Variants in RAD9A observed in about 807,000 individuals in gnomAD.
The protein encoded by RAD9A is cell cycle checkpoint control protein RAD9A.
RAD9A carries 25 observed loss-of-function variants against 41.2 expected under a neutral mutation model. The observed-to-expected ratio is 0.61, with a 90% CI of 0.44 to 0.85. RAD9A has a LOEUF of 0.85. RAD9A is among the 40% of genes least tolerant of loss of function. RAD9A has a pLI of 0.00. For synonymous variants in RAD9A, 252 were observed against 210.6 expected, an observed-to-expected ratio of 1.20 and a Z score of -1.70; for missense variants, 514 against 518.3, an observed-to-expected ratio of 0.99 and a Z score of 0.08.
chr11:67,396,913 C>T (rs1590932287), intron 9 of RAD9A, among the ~76,000 whole-genome samples: 2 of 152,164 alleles, frequency 1.3e-5, no homozygotes. Flanking sequence ...ACTTGCTGCT[C>T]CTCCCTCCTA....
chr11:67,392,601 G>T, intron 2 of RAD9A, 53 bp from the exon 3 acceptor site: 1 of 1,605,880 alleles, frequency 6.2e-7, no homozygotes. Context: ...CCAGAGGGCT[G>T]GGTCTGTGGC....
In RAD9A at chr11:67,396,263, G is replaced by A. The variant is rs200764158; in HGVS notation, c.735G>A (p.Arg245=). The A allele has an allele frequency of 1.9e-4, 300 of 1,614,080 alleles. No homozygotes were observed. The highest frequency in any genetic ancestry group is 3.3e-4 in the Middle Eastern group (2 of 6,062). The change falls in exon 9 of 11, where the codon AGG becomes AGA. Residue 245 remains arginine, a splice_region_variant and synonymous_variant. Transcript: ENST00000307980. ...AGCTTGGGCCCCCTCCCCTGCCCAG[G>A]CCCGCCATCTTCACCATCAAGGACT... ...NLSIHFDAPG[R]PAIFTIKDSL... is the part of the protein sequence containing the mutation.
chr11:67,397,313 G>A lies in RAD9A; in HGVS notation c.1007G>A (p.Ser336Asn), dbSNP rs1489051965. ...SLSPGPQPPK[S>N]PGPHSEEEDE... ...TCACCTGGCCCCCAGCCCCCCAAGA[G>A]CCCCGGTCCCCACTCCGAGGAGGAA... The change falls in exon 10 of 11, where the codon AGC (serine) becomes AAC (asparagine). Residue 336 changes from serine to asparagine, a missense_variant. Around this residue, in one of 3 missense-constraint regions of RAD9A, gnomAD observed 216 missense variants for 184.2 expected, o/e 1.17. Coordinates refer to ENST00000307980, the MANE Select transcript of RAD9A (RefSeq NM_004584.3). The A allele has an allele frequency of 1.0e-5, 16 of 1,584,760 alleles. No individual in the cohort carries two copies. The highest frequency in any genetic ancestry group is 1.4e-5 in the Non-Finnish European group (16 of 1,160,930).
Position 67,395,921 on chromosome 11 carries a change from C to T in RAD9A, c.569C>T (p.Ala190Val). The change falls in exon 7 of 11, where the codon GCC becomes GTC. Residue 190 changes from alanine to valine, a missense_variant. Ala to Val is a moderately conservative substitution (Grantham distance 64). Coordinates refer to ENST00000307980, the MANE Select transcript of RAD9A (RefSeq NM_004584.3). ...TGTTCTTCCCCAACAGACAGCACTG[C>T]CAAAGCCATGGTGACTGAGATGTGC... ...SYHEEEADST[A>V]KAMVTEMCLG... 1 of 1,614,184 alleles carries T rather than the reference C, an allele frequency of 6.2e-7. No individual in the cohort carries two copies.
In RAD9A at chr11:67,398,182, C is replaced by T. The variant is rs764997149; in HGVS notation, c.*623C>T. The T allele has an allele frequency of 2.9e-5, 9 of 305,294 alleles. No individual in the cohort carries two copies. Among genetic ancestry groups the T allele is most frequent in the East Asian group, 2.3e-4 (3 of 12,958 alleles). The allele number at this position is 305,294 out of a possible 1,614,324, so 18.9% of individuals were successfully genotyped here. The stretch of plus-strand genomic sequence containing the variant: ...CTTAGATGTGAGACGGAGGCCATGG[C>T]GAGAATCCAGCTTTGACCTTTATTC... On this transcript the variant is annotated 3_prime_UTR_variant, in exon 11 of 11. Coordinates refer to ENST00000307980, the MANE Select transcript of RAD9A (RefSeq NM_004584.3).
chr11:67,392,923 C>A, intron 3 of RAD9A, 141 bp downstream of exon 3: 1 of 1,206,672 alleles, frequency 8.3e-7, no homozygotes, highest in Non-Finnish European at 1.2e-6. Context: ...CAGGGAGGGC[C>A]ATGGTAAAAG....
At chr11:67,396,457 G>T in intron 9 of RAD9A, 57 bp downstream of exon 9, 1 of 1,583,390 alleles carries the variant, frequency 6.3e-7, no homozygotes. Flanking sequence ...TCCAGCCTGA[G>T]ACTGCAACTC....
Position 67,393,528 on chromosome 11 carries a change from G to A in RAD9A, c.267G>A (p.Met89Ile). ...SFLSVFRSLA[M>I]LEKTVEKCCI... ...TGTCTGTCTTCCGCTCACTGGCGAT[G>A]CTGGAGAAGACGGTGGAAAAATGCT... Residue 89 changes from methionine to isoleucine, a missense_variant, in exon 4 of 11, where the codon ATG (methionine) becomes ATA (isoleucine). By Grantham distance (10) the Met-to-Ile change is conservative (BLOSUM62 1). Around this residue, in one of 3 missense-constraint regions of RAD9A, gnomAD observed 268 missense variants for 279.3 expected, o/e 0.96. Coordinates refer to ENST00000307980, the MANE Select transcript of RAD9A (RefSeq NM_004584.3). 1 of 1,614,208 alleles carries A rather than the reference G, an allele frequency of 6.2e-7. No homozygotes were observed. Among genetic ancestry groups the A allele is most frequent in the Non-Finnish European group, 8.5e-7 (1 of 1,180,042 alleles).
intron 2 of RAD9A, 50 bp downstream of exon 2, chr11:67,392,281 T>A: frequency 6.9e-7 from 1 of 1,442,456 alleles, no homozygotes; most frequent in Admixed American, 2.0e-5. Context: ...CGGGAGCGGG[T>A]AACCCGGACT....
At position 67,396,417 on chromosome 11, in the gene RAD9A, C is replaced by G. The variant is rs369995198; in HGVS notation, c.872+17C>G. 1.3e-5 allele frequency: 21 copies of G among 1,612,594 alleles called. No homozygotes were observed. Among genetic ancestry groups the G allele is most frequent in the Middle Eastern group, 1.6e-4 (1 of 6,074 alleles). Reference sequence around the variant, plus strand: ...GGCTCACAGGTGAGGGCACCTCCCCCCAACTCCTCCTCTCTCCATGTCTGT... The same window carrying G: ...GGCTCACAGGTGAGGGCACCTCCCCGCAACTCCTCCTCTCTCCATGTCTGT... On this transcript the variant is annotated intron_variant, in intron 9 of 10. Coordinates refer to ENST00000307980, the MANE Select transcript of RAD9A (RefSeq NM_004584.3).
chr11:67,392,378 C>G (rs1215395050), intron 2 of RAD9A, 147 bp downstream of exon 2: 2 of 891,892 alleles, frequency 2.2e-6, no homozygotes, highest in African/African-American at 3.4e-5. Context: ...GTCATCTTCC[C>G]AGGCCGGTGT....
In RAD9A at chr11:67,395,816, G is replaced by A. The variant is rs754732107; in HGVS notation, c.550G>A (p.Glu184Lys). 12 of 1,613,342 alleles carry A rather than the reference G, an allele frequency of 7.4e-6. No homozygotes were observed. Among genetic ancestry groups the A allele is most frequent in the Middle Eastern group, 1.6e-4 (1 of 6,084 alleles). The part of the protein sequence containing the change: ...RRVILRSYHE[E>K]EADSTAKAMV... Reference sequence around the variant, plus strand: ...GGTCATCCTGCGCAGCTACCACGAGGAGGAGGCAGGTGAGGGGGCTGGACG... The same window carrying A: ...GGTCATCCTGCGCAGCTACCACGAGAAGGAGGCAGGTGAGGGGGCTGGACG... The change falls in exon 6 of 11, where the codon GAG (glutamate) becomes AAG (lysine). Residue 184 changes from glutamate (E) to lysine (K), a missense_variant. By Grantham distance (56) the Glu-to-Lys change is moderately conservative (BLOSUM62 1). Transcript: ENST00000307980.
intron 3 of RAD9A, 64 bp downstream of exon 3, chr11:67,392,846 G>C: frequency 6.3e-7 from 1 of 1,578,360 alleles, no homozygotes; most frequent in South Asian, 1.1e-5. Context: ...CTGTGCCTCT[G>C]CCCTGGGGTA....
chr11:67,393,572 G>A lies in RAD9A; in HGVS notation c.311G>A (p.Arg104Gln), dbSNP rs772979652. 1.8e-5 allele frequency: 29 copies of A among 1,614,076 alleles called. No individual in the cohort carries two copies. In the East Asian group the frequency reaches 3.8e-4, roughly 21 times the overall value. The change falls in exon 4 of 11, where the codon CGG (arginine) becomes CAG (glutamine). Residue 104 changes from arginine (R) to glutamine (Q), a missense_variant. Arg to Gln is a conservative substitution (Grantham distance 43, BLOSUM62 1). Coordinates refer to ENST00000307980, the MANE Select transcript of RAD9A (RefSeq NM_004584.3). The stretch of plus-strand genomic sequence containing the variant: ...AAATGCTGCATCTCCCTGAATGGCC[G>A]GAGCAGCCGCCTGGTGGTCCAGCTG... ...VEKCCISLNG[R>Q]SSRLVVQLHC...
Position 67,393,526 on chromosome 11 carries a change from A to T in RAD9A, c.265A>T (p.Met89Leu). ...CCTGTCTGTCTTCCGCTCACTGGCGATGCTGGAGAAGACGGTGGAAAAATG... is the reference window on the plus strand; with the variant it reads ...CCTGTCTGTCTTCCGCTCACTGGCGTTGCTGGAGAAGACGGTGGAAAAATG... The part of the protein sequence containing the change: ...SFLSVFRSLA[M>L]LEKTVEKCCI... The change falls in exon 4 of 11, where the codon ATG (methionine) becomes TTG (leucine). Residue 89 changes from methionine to leucine, a missense_variant. Physicochemically the swap from Met to Leu is conservative, Grantham distance 15. Coordinates refer to ENST00000307980, the MANE Select transcript of RAD9A (RefSeq NM_004584.3). The T allele has an allele frequency of 6.2e-7, 1 of 1,614,158 alleles. No individual in the cohort carries two copies. Among genetic ancestry groups the T allele is most frequent in the Non-Finnish European group, 8.5e-7 (1 of 1,180,024 alleles).
chr11:67,395,574 C>T (rs1022128105), intron 5 of RAD9A, 142 bp from the exon 6 acceptor site: 11 of 663,696 alleles, frequency 1.7e-5, no homozygotes, highest in Non-Finnish European at 2.8e-5. Flanking sequence ...CCCTCCCTGC[C>T]ACCTTCTCTG....
intron 3 of RAD9A, chr11:67,393,216 G>T: frequency 1.1e-6 from 1 of 945,510 alleles, no homozygotes; most frequent in African/African-American, 1.7e-5. Context: ...GGAGGTGGAG[G>T]TTGCAGTGAG....
rs760936260 is a variant in RAD9A, at chr11:67,397,533, G to C, written c.1150G>C (p.Ala384Pro). ...RSPQGPSPVL[A>P]EDSEGEG ...CCCCCAGGGCCCCAGCCCTGTGCTG[G>C]CGGAAGACAGTGAGGGTGAAGGCTG... The change falls in exon 11 of 11, where the codon GCG (alanine) becomes CCG (proline). Residue 384 changes from alanine to proline, a missense_variant. This residue lies in a region of RAD9A where 216 missense variants were observed against 184.2 expected (regional missense o/e 1.17). Transcript: ENST00000307980. 15 of 1,609,846 alleles carry C rather than the reference G, an allele frequency of 9.3e-6. No individual in the cohort carries two copies. Among genetic ancestry groups the C allele is most frequent in the Non-Finnish European group, 1.3e-5 (15 of 1,177,242 alleles).
chr11:67,393,273 C>G, intron 3 of RAD9A: 1 of 1,228,166 alleles, frequency 8.1e-7, no homozygotes, highest in Non-Finnish European at 1.0e-6. Flanking sequence ...GAGCGAGACT[C>G]CATCTCAAAA....
Sources: gnomAD v4.1 joint callset for allele counts (sites outside exome capture counted in the v4.1 genomes callset) on GRCh38, gnomAD v4.1.1 for gene constraint, gnomAD v4.1.1 regional missense constraint, MANE v1.5 for transcripts, NCBI Gene and HGNC (gene_info 2026-07-23, HGNC 2026-07-21) for gene names.